Variants in DENND1A observed in about 807,000 individuals in gnomAD.
DENND1A encodes DENN domain-containing protein 1A.
Under a neutral mutation model 113.7 loss-of-function variants are expected in DENND1A, and 51 were observed. That is an observed-to-expected ratio of 0.45 (90% CI 0.36 to 0.57). The LOEUF is 0.57. DENND1A is among the 20% of genes least tolerant of loss of function. The probability of loss-of-function intolerance (pLI) is 0.00; values close to 1 mark genes in which losing one functional copy is unlikely to be tolerated. For synonymous variants in DENND1A, 565 were observed against 570.8 expected (o/e 0.99, Z 0.14); for missense variants, 1,258 against 1,395.9 (o/e 0.90, Z 1.57).
At chr9:123,385,527 G>A (rs2042518695) in intron 22 of DENND1A, among the ~76,000 whole-genome samples, 1 of 152,162 alleles carries the variant, frequency 6.6e-6, no homozygotes. Context: ...CGGAGATGGT[G>A]CCCGTGGCAC....
chr9:123,464,453 G>A (rs1263538551), intron 13 of DENND1A, among the ~76,000 whole-genome samples: 3 of 152,190 alleles, frequency 2.0e-5, no homozygotes, highest in African/African-American at 7.2e-5. Context: ...GAATCTTGAA[G>A]ACATTACGTG....
intron 5 of DENND1A, among the ~76,000 whole-genome samples, chr9:123,752,169 A>T (rs2070109011): frequency 6.6e-6 from 1 of 152,104 alleles, no homozygotes; most frequent in Non-Finnish European, 1.5e-5. Context: ...AGTTCAGCTC[A>T]TCAAAATCTT....
intron 10 of DENND1A, among the ~76,000 whole-genome samples, chr9:123,617,358 G>A (rs969458385): frequency 6.6e-5 from 10 of 152,198 alleles, no homozygotes; most frequent in Non-Finnish European, 1.3e-4. Flanking sequence ...GTGCACTGAT[G>A]TCCAGTGGGC....
chr9:123,691,990 T>C (rs1231302741), intron 5 of DENND1A, among the ~76,000 whole-genome samples: 1 of 152,174 alleles, frequency 6.6e-6, no homozygotes, highest in East Asian at 1.9e-4. Context: ...TCAGAAGCAG[T>C]GTCCATTGTG....
At chr9:123,684,262 T>C (rs2064662949) in intron 5 of DENND1A, among the ~76,000 whole-genome samples, 1 of 152,294 alleles carries the variant, frequency 6.6e-6, no homozygotes, top group Middle Eastern at 3.4e-3. Flanking sequence ...GCCACAGGCC[T>C]CCTGTTGCCC....
chr9:123,587,962 T>C (rs2059261454), intron 11 of DENND1A, among the ~76,000 whole-genome samples: 1 of 152,092 alleles, frequency 6.6e-6, no homozygotes, highest in Non-Finnish European at 1.5e-5. Flanking sequence ...TTCTCTTACA[T>C]AAAATACTAC....
At chr9:123,398,917 C>T (rs1425759994) in intron 21 of DENND1A, among the ~76,000 whole-genome samples, 2 of 151,814 alleles carry the variant, frequency 1.3e-5, no homozygotes, top group Non-Finnish European at 2.9e-5. Flanking sequence ...GCCTCAGCCT[C>T]CCTAGTAACT....
At chr9:123,424,643 C>A (rs531989155) in intron 19 of DENND1A, among the ~76,000 whole-genome samples, 22 of 152,220 alleles carry the variant, frequency 1.4e-4, no homozygotes, top group South Asian at 2.1e-4. Context: ...CAAGCTCCCC[C>A]ACCTGGGGTG....
intron 8 of DENND1A, among the ~76,000 whole-genome samples, chr9:123,664,287 C>T (rs1247352496): frequency 6.6e-6 from 1 of 152,092 alleles, no homozygotes; most frequent in Non-Finnish European, 1.5e-5. Flanking sequence ...AGTTATAATT[C>T]TATATTCATA....
intron 12 of DENND1A, 55 bp from the exon 13 acceptor site, chr9:123,557,750 C>T (rs1295490360): frequency 2.5e-6 from 4 of 1,595,620 alleles, no homozygotes; most frequent in East Asian, 4.5e-5. Context: ...AGTAGGGTGG[C>T]TGACTAAGCC....
At chr9:123,723,008 C>T (rs2067449627) in intron 5 of DENND1A, among the ~76,000 whole-genome samples, 1 of 152,234 alleles carries the variant, frequency 6.6e-6, no homozygotes, top group African/African-American at 2.4e-5. Flanking sequence ...CAATACCAGC[C>T]CATGAAAGCA....
intron 13 of DENND1A, among the ~76,000 whole-genome samples, chr9:123,539,960 T>A (rs541101999): frequency 6.6e-6 from 1 of 152,254 alleles, no homozygotes; most frequent in Non-Finnish European, 1.5e-5. Flanking sequence ...AATAAATAGA[T>A]TTTTAAAGGT....
At chr9:123,446,897 T>G (rs986739751) in intron 18 of DENND1A, among the ~76,000 whole-genome samples, 15 of 152,220 alleles carry the variant, frequency 9.9e-5, no homozygotes, top group African/African-American at 3.6e-4. Flanking sequence ...TTTGGCTAAA[T>G]CATTTTGATA....
intron 11 of DENND1A, 140 bp from the exon 12 acceptor site, chr9:123,583,410 G>A (rs1239649181): frequency 6.9e-6 from 4 of 578,234 alleles, no homozygotes; most frequent in Non-Finnish European, 1.2e-5. Context: ...CCCAATGGTA[G>A]GAGGTTCACA....
At chr9:123,499,766 G>A (rs1469171278) in intron 13 of DENND1A, among the ~76,000 whole-genome samples, 2 of 152,160 alleles carry the variant, frequency 1.3e-5, no homozygotes, top group African/African-American at 4.8e-5. Context: ...GCATCTTTCA[G>A]GGAAGTGCTG....
At chr9:123,384,081 G>T (rs2042431809) in intron 22 of DENND1A, among the ~76,000 whole-genome samples, 168 bp from the exon 23 acceptor site, 2 of 152,350 alleles carry the variant, frequency 1.3e-5, no homozygotes, top group South Asian at 2.1e-4. Context: ...GGCTGCGAGG[G>T]TGCAAGCTGG....
chr9:123,760,583 A>T (rs1053229489), intron 4 of DENND1A, among the ~76,000 whole-genome samples: 2 of 152,258 alleles, frequency 1.3e-5, no homozygotes, highest in Non-Finnish European at 2.9e-5. Context: ...GAGAAGAAAC[A>T]CATTTCTATA....
At chr9:123,917,351 CAT>C (rs1428492754) in intron 1 of DENND1A, among the ~76,000 whole-genome samples, 4 of 152,026 alleles carry the variant, frequency 2.6e-5, no homozygotes, top group Non-Finnish European at 5.9e-5. Flanking sequence ...AAGCCAAAAA[CAT>C]AACTATTTTC....
At chr9:123,460,686 G>T (rs1009854192) in intron 13 of DENND1A, among the ~76,000 whole-genome samples, 5 of 152,182 alleles carry the variant, frequency 3.3e-5, no homozygotes, top group Admixed American at 6.5e-5. Context: ...GCCTACCTTG[G>T]CGTAGGCCTG....
Sources: gnomAD v4.1 joint callset for allele counts (sites outside exome capture counted in the v4.1 genomes callset) on GRCh38, gnomAD v4.1.1 for gene constraint, MANE v1.5 for transcripts, NCBI Gene and HGNC (gene_info 2026-07-23, HGNC 2026-07-21) for gene names.